The following MRPS35 variants were observed in gnomAD, a reference collection of about 807,000 sequenced individuals.
MRPS35 encodes mitochondrial ribosomal protein S35.
MRPS35 carries 29 observed loss-of-function variants against 32.7 expected under a neutral mutation model. The observed-to-expected ratio is 0.89, with a 90% CI of 0.66 to 1.21. The LOEUF (loss-of-function observed/expected upper bound fraction) is 1.21, where lower values mean the gene tolerates loss of function less well. MRPS35 is among the 50% of genes most tolerant of loss of function. MRPS35 has a pLI of 0.00. For synonymous variants in MRPS35, 148 were observed against 139.3 expected (o/e 1.06, Z -0.44); for missense variants, 373 against 383.8 (o/e 0.97, Z 0.23).
intron 5 of MRPS35, among the ~76,000 whole-genome samples, chr12:27,731,530 T>G (rs2061921952): frequency 6.6e-6 from 1 of 152,158 alleles, no homozygotes; most frequent in Non-Finnish European, 1.5e-5. Context: ...CTTTGCTAGG[T>G]TTCAGTATCA....
At chr12:27,732,495 C>T (rs2061925459) in intron 5 of MRPS35, among the ~76,000 whole-genome samples, 1 of 152,146 alleles carries the variant, frequency 6.6e-6, no homozygotes, top group Non-Finnish European at 1.5e-5. Context: ...GCTGTTGAGG[C>T]TCAGTGGTGG....
chr12:27,755,108 A>G, intron 7 of MRPS35, 73 bp from the exon 8 acceptor site: 1 of 1,430,276 alleles, frequency 7.0e-7, no homozygotes, highest in Non-Finnish European at 9.4e-7. Flanking sequence ...GAAGAAAGAA[A>G]GGAAGAAACA....
intron 5 of MRPS35, among the ~76,000 whole-genome samples, chr12:27,726,822 G>A (rs1565466644): frequency 6.6e-6 from 1 of 151,964 alleles, no homozygotes; most frequent in Non-Finnish European, 1.5e-5. Flanking sequence ...TTTTAATTGG[G>A]TTGTTTATCT....
chr12:27,714,336 C>T (rs1044498471), intron 1 of MRPS35, among the ~76,000 whole-genome samples: 6 of 151,778 alleles, frequency 4.0e-5, no homozygotes, highest in Non-Finnish European at 7.4e-5. Flanking sequence ...ACCTGCCCAC[C>T]GCACTTTGGG....
intron 7 of MRPS35, among the ~76,000 whole-genome samples, chr12:27,739,719 C>A (rs1329053608): frequency 1.3e-5 from 2 of 152,174 alleles, no homozygotes; most frequent in East Asian, 3.9e-4. Flanking sequence ...ATGGCTGTTG[C>A]TGCTTAAAGA....
rs1425650991 is a variant in MRPS35, at chr12:27,716,467, A to G, written c.321+9A>G. The G allele has an allele frequency of 6.2e-7, 1 of 1,613,808 alleles. No homozygotes were observed. The highest frequency in any genetic ancestry group is 1.3e-5 in the African/African-American group (1 of 74,886). On this transcript the variant is annotated intron_variant, in intron 3 of 7. Transcript: ENST00000081029. The stretch of plus-strand genomic sequence containing the variant: ...ATCTAGAACTTTTAAAGGTAAGACA[A>G]ATTGCTGATTCATTGGCTCAGACTT...
chr12:27,734,078 AG>A (rs1266846754), intron 5 of MRPS35, among the ~76,000 whole-genome samples: 1 of 152,158 alleles, frequency 6.6e-6, no homozygotes, highest in Non-Finnish European at 1.5e-5. Flanking sequence ...AAGTGTACAG[AG>A]TTATTGAAGC....
intron 5 of MRPS35, among the ~76,000 whole-genome samples, chr12:27,735,018 T>A (rs1361243547): frequency 6.6e-6 from 1 of 152,220 alleles, no homozygotes; most frequent in Non-Finnish European, 1.5e-5. Flanking sequence ...GTCTCATAAT[T>A]GCATGGTAGA....
chr12:27,753,326 C>T (rs776735984), intron 7 of MRPS35, among the ~76,000 whole-genome samples: 7 of 152,222 alleles, frequency 4.6e-5, no homozygotes, highest in African/African-American at 1.2e-4. Flanking sequence ...CCTTTCGCCT[C>T]GGTGATCTGA....
intron 6 of MRPS35, 59 bp downstream of exon 6, chr12:27,735,615 C>A: frequency 8.2e-7 from 1 of 1,212,454 alleles, no homozygotes; most frequent in Non-Finnish European, 1.2e-6. Flanking sequence ...TCCTCCAATT[C>A]CTTGGCAGTC....
At chr12:27,733,215 A>T (rs2061929760) in intron 5 of MRPS35, among the ~76,000 whole-genome samples, 1 of 152,110 alleles carries the variant, frequency 6.6e-6, no homozygotes, top group Admixed American at 6.5e-5. Flanking sequence ...CAGATTAAAG[A>T]CTACAATGTT....
intron 5 of MRPS35, among the ~76,000 whole-genome samples, chr12:27,733,022 A>G (rs1471073560): frequency 5.5e-5 from 2 of 36,632 alleles, no homozygotes; most frequent in African/African-American, 1.8e-4. Flanking sequence ...ATATATATAT[A>G]TATATATATA....
At chr12:27,711,200 C>T (rs540545426) in intron 1 of MRPS35, among the ~76,000 whole-genome samples, 1 of 152,206 alleles carries the variant, frequency 6.6e-6, no homozygotes, top group Non-Finnish European at 1.5e-5. Context: ...CTTACATCCC[C>T]CTTCCCCGTG....
In MRPS35 at chr12:27,755,437, T is replaced by A; in HGVS notation, c.959T>A (p.Leu320Ter). The A allele has an allele frequency of 5.1e-6, 8 of 1,564,842 alleles. No individual in the cohort carries two copies. The highest frequency in any genetic ancestry group is 6.9e-6 in the Non-Finnish European group (8 of 1,164,740). The change falls in exon 8 of 8, where the codon TTA (leucine) becomes TAA (stop). Residue 320 changes from leucine (L) to a stop codon, truncating the protein, a stop_gained. Transcript: ENST00000081029. LOFTEE classifies it high-confidence loss of function. ...SQYKESVKRL[L>*]NVT ...TACAAAGAATCCGTGAAGAGACTAT[T>A]AAATGTGACATGAATTATGGAGTAG...
At chr12:27,715,009 G>A (rs115717901) in intron 2 of MRPS35, among the ~76,000 whole-genome samples, 189 bp downstream of exon 2, 1,838 of 152,336 alleles carry the variant, frequency 0.012, 43 homozygotes, top group African/African-American at 0.041. Context: ...GATGATCTTT[G>A]AGAGGTTGAC....
chr12:27,713,558 G>A (rs2061836499), intron 1 of MRPS35, among the ~76,000 whole-genome samples: 1 of 152,190 alleles, frequency 6.6e-6, no homozygotes, highest in Non-Finnish European at 1.5e-5. Context: ...CAGGGGAAGA[G>A]TGTCCCAGGT....
chr12:27,755,503 C>G lies in MRPS35; in HGVS notation c.*53C>G. On this transcript the variant is annotated 3_prime_UTR_variant, in exon 8 of 8. Transcript: ENST00000081029. ...TTATTAATTTTATGATATATGTGAT[C>G]AGTATCTAATTTGATATAAAATTGA... The G allele has an allele frequency of 2.8e-6, 4 of 1,409,402 alleles. No homozygotes were observed. Among genetic ancestry groups the G allele is most frequent in the Non-Finnish European group, 3.8e-6 (4 of 1,056,868 alleles). 87.3% of individuals were successfully genotyped at this position (1,409,402 alleles called of 1,614,324 possible).
chr12:27,739,686 A>G (rs1418914187), intron 7 of MRPS35, among the ~76,000 whole-genome samples: 4 of 152,242 alleles, frequency 2.6e-5, no homozygotes, highest in Non-Finnish European at 4.4e-5. Context: ...AACCAGCAAC[A>G]TGGCTGAATT....
chr12:27,725,828 C>G (rs1172849390), intron 5 of MRPS35, among the ~76,000 whole-genome samples: 2 of 86,158 alleles, frequency 2.3e-5, no homozygotes, highest in Non-Finnish European at 4.1e-5. Context: ...TTTTTTGAGA[C>G]AGGGTCTTAC....
Sources: gnomAD v4.1 joint callset for allele counts (sites outside exome capture counted in the v4.1 genomes callset) on GRCh38, gnomAD v4.1.1 for gene constraint, MANE v1.5 for transcripts, NCBI Gene and HGNC (gene_info 2026-07-23, HGNC 2026-07-21) for gene names.